The following TTC7B variants were observed in gnomAD, a reference collection of about 807,000 sequenced individuals.
TTC7B encodes tetratricopeptide repeat protein 7B.
Under a neutral mutation model 106.8 loss-of-function variants are expected in TTC7B, and 28 were observed. The ratio of observed to expected loss-of-function variants is 0.26; its 90% CI spans 0.19 to 0.36. The LOEUF (loss-of-function observed/expected upper bound fraction) is 0.36. TTC7B is among the 10% of genes least tolerant of loss of function. TTC7B has a pLI of 1.00. For missense variants in TTC7B, 862 were observed against 1,076.4 expected (o/e 0.80, Z 2.79); for synonymous variants, 405 against 430.6 (o/e 0.94, Z 0.74).
chr14:90,623,079 G>A (rs1456249301), intron 15 of TTC7B, among the ~76,000 whole-genome samples: 1 of 152,058 alleles, frequency 6.6e-6, no homozygotes, highest in Non-Finnish European at 1.5e-5. Flanking sequence ...CATCCTTCAA[G>A]ATTCAGGTCA....
Position 90,808,931 on chromosome 14 carries a change from G to A in TTC7B, c.121+7244C>T, listed in dbSNP as rs1566899545. 6.6e-6 allele frequency among the ~76,000 whole-genome samples: 1 copy of A among 152,222 alleles called. No homozygotes were observed. Among genetic ancestry groups the A allele is most frequent in the East Asian group, 1.9e-4 (1 of 5,192 alleles). ...GCAGGGATGCTCTGGGTAAGTAAGAGGTGTACCAGTTAGAACGCCTTCAGC... is the reference window on the plus strand; with the variant it reads ...GCAGGGATGCTCTGGGTAAGTAAGAAGTGTACCAGTTAGAACGCCTTCAGC... On this transcript the variant is annotated intron_variant, in intron 1 of 19. Transcript: ENST00000328459. This position sits in a 1 kb window ranked among gnomAD's most constrained non-coding sequence, Gnocchi z 4.2.
At chr14:90,566,636 A>G (rs1890812586) in intron 19 of TTC7B, among the ~76,000 whole-genome samples, 1 of 152,242 alleles carries the variant, frequency 6.6e-6, no homozygotes, top group Admixed American at 6.5e-5. Context: ...GAGGAAGCCA[A>G]CTGGAGGAGG....
At chr14:90,790,872 A>G (rs11628315) in intron 1 of TTC7B, among the ~76,000 whole-genome samples, 108,431 of 151,962 alleles carry the variant, frequency 0.71, 42,389 homozygotes, top group Non-Finnish European at 0.87. Context: ...GGCTGGCAAA[A>G]AGCAGAGGGA....
intron 3 of TTC7B, chr14:90,766,953 C>T (rs1411015982): frequency 6.8e-7 from 1 of 1,480,452 alleles, no homozygotes; most frequent in South Asian, 1.1e-5. Flanking sequence ...CCACTGGCCG[C>T]CATGGCCGCA....
At position 90,564,687 on chromosome 14, in the gene TTC7B, T is replaced by C. The variant is rs187566481; in HGVS notation, c.2310+13419A>G. Reference sequence around the variant, plus strand: ...CTTTTGAGAGGCAGAGTTGGGAGGATTGCTTGAAGCCAGGAATTTGAGACC... The same window carrying C: ...CTTTTGAGAGGCAGAGTTGGGAGGACTGCTTGAAGCCAGGAATTTGAGACC... On this transcript the variant is annotated intron_variant, in intron 19 of 19. Transcript: ENST00000328459. Among the ~76,000 whole-genome samples the C allele has an allele frequency of 2.0e-3, 309 of 152,276 alleles. 2 individuals carry two copies. The highest frequency in any genetic ancestry group is 3.4e-3 in the Middle Eastern group (1 of 294).
rs2030532027 is a variant in TTC7B at position 90,805,204 on chromosome 14, C to G, written c.121+10971G>C. Among the ~76,000 whole-genome samples, 1 of 152,180 alleles carries G rather than the reference C, an allele frequency of 6.6e-6. No homozygotes were observed. Among genetic ancestry groups the G allele is most frequent in the African/African-American group, 2.4e-5 (1 of 41,450 alleles). Reference sequence around the variant, plus strand: ...TCAGTCCAGGGCCTCGGGCCAGTGGCTGGCACACAGTAGGTGTTCAGTAAG... The same window carrying G: ...TCAGTCCAGGGCCTCGGGCCAGTGGGTGGCACACAGTAGGTGTTCAGTAAG... On this transcript the variant is annotated intron_variant, in intron 1 of 19. Transcript: ENST00000328459. This position sits in a 1 kb window ranked among gnomAD's most constrained non-coding sequence, Gnocchi z 4.0.
Position 90,786,278 on chromosome 14 carries a change from T to G in TTC7B, c.172A>C (p.Lys58Gln). 6 of 1,613,320 alleles carry G rather than the reference T, an allele frequency of 3.7e-6. No homozygotes were observed. Among genetic ancestry groups the G allele is most frequent in the Non-Finnish European group, 4.2e-6 (5 of 1,179,688 alleles). The change falls in exon 2 of 20, where the codon AAG (lysine) becomes CAG (glutamine). Residue 58 changes from lysine (K) to glutamine (Q), a missense_variant. Lys to Gln is a moderately conservative substitution (Grantham distance 53). Coordinates refer to ENST00000328459, the MANE Select transcript of TTC7B (RefSeq NM_001010854.2). ...GCCCCCTGCCTCAGGGGGTGTTCCT[T>G]CAGGTACTGCTCCAGCTTCGACTCC... ...LGESKLEQYLKEHPLRQGASP... is the reference protein window; with the variant it reads ...LGESKLEQYLQEHPLRQGASP...
At chr14:90,736,150 C>CTATATATATATATATATATATA (rs36062485) in intron 4 of TTC7B, among the ~76,000 whole-genome samples, 16 of 146,616 alleles carry the variant, frequency 1.1e-4, no homozygotes, top group African/African-American at 4.0e-4. Flanking sequence ...TAATTTAGAG[C>CTATATATATATATATATATATA]TATATATATA....
chr14:90,771,527 G>C lies in TTC7B; in HGVS notation c.445+9211C>G, dbSNP rs757509944. ...GGAGGATCTCTTGAGCCTGGTGCAG[G>C]GGATGGAGGTTGCAGTGAGCTGAGA... On this transcript the variant is annotated intron_variant, in intron 3 of 19. Coordinates refer to ENST00000328459, the MANE Select transcript of TTC7B (RefSeq NM_001010854.2). Among the ~76,000 whole-genome samples the C allele has an allele frequency of 9.9e-5, 15 of 152,220 alleles. 2 individuals carry two copies. The Middle Eastern group carries it at 0.014, about 138-fold the overall frequency.
intron 3 of TTC7B, among the ~76,000 whole-genome samples, chr14:90,777,948 G>A (rs1314439685): frequency 1.3e-5 from 2 of 152,230 alleles, no homozygotes; most frequent in African/African-American, 4.8e-5. Flanking sequence ...CTCGTGACAA[G>A]CCAATGAGAG....
chr14:90,545,250 C>T (rs141144545), intron 19 of TTC7B, among the ~76,000 whole-genome samples: 3 of 152,318 alleles, frequency 2.0e-5, no homozygotes, highest in Non-Finnish European at 4.4e-5. Flanking sequence ...CTCAGTGGAG[C>T]TCTCTCAATG....
chr14:90,782,759 G>A (rs1357603160), intron 2 of TTC7B, among the ~76,000 whole-genome samples: 2 of 152,162 alleles, frequency 1.3e-5, no homozygotes, highest in African/African-American at 4.8e-5. Flanking sequence ...TGAAAGAGGA[G>A]GGGGAATGAG....
At chr14:90,549,800 T>C (rs1203385478) in intron 19 of TTC7B, among the ~76,000 whole-genome samples, 1 of 152,102 alleles carries the variant, frequency 6.6e-6, no homozygotes, top group Non-Finnish European at 1.5e-5. Flanking sequence ...GGGGAGTTAG[T>C]TGGACTAACT....
intron 5 of TTC7B, among the ~76,000 whole-genome samples, chr14:90,703,404 G>T (rs891881727): frequency 6.6e-6 from 1 of 152,154 alleles, no homozygotes; most frequent in Non-Finnish European, 1.5e-5. Flanking sequence ...GATGTCAAGG[G>T]GAGGAAAGTC....
intron 19 of TTC7B, among the ~76,000 whole-genome samples, chr14:90,548,091 G>C (rs1440281269): frequency 2.0e-5 from 3 of 152,218 alleles, no homozygotes; most frequent in Admixed American, 6.5e-5. Flanking sequence ...CACTCCAAGT[G>C]CTCTCTACGC....
At position 90,608,754 on chromosome 14, in the gene TTC7B, A is replaced by G. The variant is rs188629327; in HGVS notation, c.1966+1988T>C. Among the ~76,000 whole-genome samples the G allele has an allele frequency of 5.9e-5, 9 of 152,324 alleles. No individual in the cohort carries two copies. Among genetic ancestry groups the G allele is most frequent in the East Asian group, 1.9e-4 (1 of 5,186 alleles). Reference sequence around the variant, plus strand: ...CAAGCACTCTAGGAAAAATGTCCCAATGGGCAACGGGAAGAATGAATAACA... The same window carrying G: ...CAAGCACTCTAGGAAAAATGTCCCAGTGGGCAACGGGAAGAATGAATAACA... On this transcript the variant is annotated intron_variant, in intron 17 of 19. Transcript: ENST00000328459. This position sits in a 1 kb window ranked among gnomAD's most constrained non-coding sequence, Gnocchi z 5.1.
chr14:90,555,894 G>A (rs1890278856), intron 19 of TTC7B, among the ~76,000 whole-genome samples: 1 of 152,230 alleles, frequency 6.6e-6, no homozygotes. Flanking sequence ...CATGCACCTG[G>A]GTGCTGCTGC....
chr14:90,735,751 C>A (rs1889498429), intron 4 of TTC7B, among the ~76,000 whole-genome samples: 2 of 151,234 alleles, frequency 1.3e-5, no homozygotes, highest in African/African-American at 4.9e-5. Flanking sequence ...ACAAAAAAAT[C>A]TTGACAAAAT....
rs1277199762 is a variant in TTC7B, at chr14:90,528,148, G to A, written c.*13220C>T. On this transcript the variant is annotated 3_prime_UTR_variant, in exon 20 of 20. Transcript: ENST00000328459. ...CCATACAAACCATGGAAACAGGAAT[G>A]GGTGACAGCCCCACGCTCCCCTGCT... is the stretch of plus-strand genomic sequence containing the variant. 1 of 152,154 alleles carries A rather than the reference G, an allele frequency of 6.6e-6. No individual in the cohort carries two copies. The highest frequency in any genetic ancestry group is 1.5e-5 in the Non-Finnish European group (1 of 68,048). The allele number at this position is 152,154 out of a possible 1,614,324, so 9.4% of individuals were successfully genotyped here. A position where few individuals can be genotyped will look rare whatever the true frequency, so the allele number is the denominator to read the frequency against.
Sources: allele counts gnomAD v4.1 joint callset (sites outside exome capture counted in the v4.1 genomes callset), GRCh38; gene constraint gnomAD v4.1.1; non-coding constraint Gnocchi (gnomAD v3.1); transcripts MANE v1.5; gene names NCBI Gene and HGNC (gene_info 2026-07-23, HGNC 2026-07-21).